SNRPN: variants seen among roughly 807,000 people sequenced by gnomAD.
SNRPN encodes small nuclear ribonucleoprotein-associated protein N.
A neutral mutation model predicts 25.2 loss-of-function variants in SNRPN; 7 were observed. That is an observed-to-expected ratio of 0.28 (90% CI 0.16 to 0.52). SNRPN has a LOEUF of 0.52. Among genes scored for constraint, SNRPN ranks in the 20% least tolerant of loss-of-function variants. The pLI, the probability that SNRPN is intolerant of heterozygous loss-of-function variation, is 0.96. For synonymous variants in SNRPN, 124 were observed against 110.6 expected (o/e 1.12, Z -0.76); for missense variants, 196 against 322.5 (o/e 0.61, Z 3.00).
At chr15:24,919,390 C>T (rs1274889295) in intron 2 of SNRPN, among the ~76,000 whole-genome samples, 1 of 148,410 alleles carries the variant, frequency 6.7e-6, no homozygotes, top group East Asian at 2.0e-4. Flanking sequence ...GAGATAGCGC[C>T]ACTGCATTCC....
rs186808403 is a variant in SNRPN, at chr15:24,878,873, T to C, written c.-578-7643T>C. 3.2e-3 allele frequency among the ~76,000 whole-genome samples: 489 copies of C among 152,252 alleles called. 1 individual carries two copies. The highest frequency in any genetic ancestry group is 0.011 in the African/African-American group (474 of 41,566). On this transcript the variant is annotated intron_variant, in intron 1 of 11. Transcript: ENST00000400097. ...CTTAAGATTCTTTATATATTCTTTA[T>C]TGTTTATCTTTTCCACTAATATACC... is the stretch of plus-strand genomic sequence containing the variant.
intron 2 of SNRPN, among the ~76,000 whole-genome samples, chr15:24,894,366 C>T (rs1043075465): frequency 4.6e-5 from 7 of 152,116 alleles, no homozygotes; most frequent in Admixed American, 6.5e-5. Context: ...CTACAGGTGC[C>T]CGCCACCACG....
intron 2 of SNRPN, among the ~76,000 whole-genome samples, chr15:24,842,208 C>A (rs1437990045): frequency 6.6e-6 from 1 of 152,048 alleles, no homozygotes; most frequent in East Asian, 1.9e-4. Context: ...GCAGGTTCAC[C>A]AATTACCAAT....
intron 2 of SNRPN, among the ~76,000 whole-genome samples, chr15:24,833,618 ATC>A (rs2050747515): frequency 6.6e-6 from 1 of 152,072 alleles, no homozygotes; most frequent in East Asian, 1.9e-4. Context: ...ACGTTTATAT[ATC>A]TGTTTTCATA....
intron 1 of SNRPN, among the ~76,000 whole-genome samples, chr15:24,870,438 C>T (rs1226475657): frequency 6.6e-6 from 1 of 152,146 alleles, no homozygotes; most frequent in Non-Finnish European, 1.5e-5. Flanking sequence ...CTACTAATGT[C>T]TCCAGCACTA....
At chr15:24,923,612 GA>G (rs763040481) in intron 3 of SNRPN, among the ~76,000 whole-genome samples, 1 of 152,130 alleles carries the variant, frequency 6.6e-6, no homozygotes, top group African/African-American at 2.4e-5. Flanking sequence ...GAATTCAATG[GA>G]ATTCAACTAT....
At chr15:24,849,825 C>T (rs926583665) in intron 2 of SNRPN, 41 of 152,210 alleles carry the variant, frequency 2.7e-4, no homozygotes, top group African/African-American at 9.4e-4. Context: ...CTGTGTCAAA[C>T]GACTATACGC....
At chr15:24,901,568 G>C (rs1347373192) in intron 2 of SNRPN, among the ~76,000 whole-genome samples, 1 of 152,202 alleles carries the variant, frequency 6.6e-6, no homozygotes, top group Admixed American at 6.5e-5. Flanking sequence ...CTGGGAATAT[G>C]CTCAATTGGT....
chr15:24,917,678 C>T (rs946297804), intron 2 of SNRPN, among the ~76,000 whole-genome samples: 1 of 152,242 alleles, frequency 6.6e-6, no homozygotes, highest in Non-Finnish European at 1.5e-5. Flanking sequence ...CTGCAGTGCG[C>T]AGTGAGGATG....
chr15:24,875,086 C>G (rs1470988132), intron 1 of SNRPN, among the ~76,000 whole-genome samples: 1 of 152,090 alleles, frequency 6.6e-6, no homozygotes, highest in Non-Finnish European at 1.5e-5. Flanking sequence ...TTACAATTGA[C>G]TCAAATAATA....
chr15:24,901,295 G>A (rs1401515516), intron 2 of SNRPN, among the ~76,000 whole-genome samples: 2 of 152,154 alleles, frequency 1.3e-5, no homozygotes, highest in Non-Finnish European at 2.9e-5. Context: ...TAATCAGAAT[G>A]TTTTGGCAAA....
chr15:24,936,810 G>A (rs771511303), intron 3 of SNRPN, among the ~76,000 whole-genome samples: 8 of 152,064 alleles, frequency 5.3e-5, no homozygotes, highest in Non-Finnish European at 1.0e-4. Flanking sequence ...CCAACATTGG[G>A]GATTACAATT....
upstream of SNRPN, among the ~76,000 whole-genome samples, chr15:24,950,499 T>C (rs2062175906): frequency 6.6e-6 from 1 of 151,680 alleles, no homozygotes. Context: ...AAGGCTGCTA[T>C]GAAAATGCAT....
At chr15:24,930,527 C>A (rs1217242589) in intron 3 of SNRPN, among the ~76,000 whole-genome samples, 5 of 148,296 alleles carry the variant, frequency 3.4e-5, no homozygotes, top group African/African-American at 1.2e-4. Context: ...GGGAGGATCA[C>A]CTGAGCTCAG....
chr15:24,974,701 A>G (rs1232589790), intron 4 of SNRPN: 3 of 610,742 alleles, frequency 4.9e-6, no homozygotes, highest in Non-Finnish European at 5.8e-6. Context: ...GCTCACTGCA[A>G]CCCTGGGTTC....
intron 4 of SNRPN, 24 bp downstream of exon 4, chr15:24,974,480 G>T (rs1182973940): frequency 6.2e-7 from 1 of 1,612,276 alleles, no homozygotes; most frequent in Admixed American, 1.7e-5. Context: ...TAAGGCTGAG[G>T]GTTGAAATGT....
At chr15:24,922,253 G>A (rs1202542550) in intron 3 of SNRPN, among the ~76,000 whole-genome samples, 1 of 152,076 alleles carries the variant, frequency 6.6e-6, no homozygotes, top group Non-Finnish European at 1.5e-5. Context: ...AAGGCTAAGA[G>A]CCTTGTTCAA....
At chr15:24,897,851 G>C (rs1397173371) in intron 2 of SNRPN, among the ~76,000 whole-genome samples, 1 of 152,168 alleles carries the variant, frequency 6.6e-6, no homozygotes, top group Non-Finnish European at 1.5e-5. Flanking sequence ...ATGTGGAACT[G>C]TGAGTCCATG....
intron 1 of SNRPN, among the ~76,000 whole-genome samples, chr15:24,959,440 G>GA (rs2074408481): frequency 6.6e-6 from 1 of 152,136 alleles, no homozygotes; most frequent in Non-Finnish European, 1.5e-5. Flanking sequence ...TGGGTATTGA[G>GA]ACCCCGTCTC....
Sources: allele counts gnomAD v4.1 joint callset (sites outside exome capture counted in the v4.1 genomes callset), GRCh38; gene constraint gnomAD v4.1.1; transcripts MANE v1.5; gene names NCBI Gene and HGNC (gene_info 2026-07-23, HGNC 2026-07-21).